NEMF: variants seen among roughly 807,000 people sequenced by gnomAD.
NEMF encodes the protein nuclear export mediator factor, also known as ribosome quality control complex subunit NEMF.
In NEMF, 89 loss-of-function variants were observed where a neutral mutation model predicts 162.2. That is an observed-to-expected ratio of 0.55 (90% CI 0.46 to 0.65). NEMF has a LOEUF of 0.65. Among genes scored for constraint, NEMF ranks in the 30% least tolerant of loss-of-function variants. NEMF has a pLI of 0.00. For missense variants in NEMF, 1,133 were observed against 1,261.9 expected, an observed-to-expected ratio of 0.90 and a Z score of 1.55; for synonymous variants, 421 against 404.5, an observed-to-expected ratio of 1.04 and a Z score of -0.49.
chr14:49,782,652 G>A lies in NEMF; in HGVS notation c.*1984C>T. ...TTAAAATTGTGTTTCCTAAGACTTA[G>A]CACTCTCGAAAAACTAGGTTTATGG... On this transcript the variant is annotated 3_prime_UTR_variant, in exon 33 of 33. Coordinates refer to ENST00000298310, the MANE Select transcript of NEMF (RefSeq NM_004713.6). The A allele has an allele frequency of 6.9e-7, 1 of 1,445,320 alleles. No individual in the cohort carries two copies. The highest frequency in any genetic ancestry group is 9.5e-7 in the Non-Finnish European group (1 of 1,056,340). 89.5% of individuals were successfully genotyped at this position (1,445,320 alleles called of 1,614,324 possible). A position where few individuals can be genotyped will look rare whatever the true frequency, so the allele number is the denominator to read the frequency against.
intron 4 of NEMF, among the ~76,000 whole-genome samples, chr14:49,843,222 T>C (rs1162145572): frequency 6.6e-6 from 1 of 151,958 alleles, no homozygotes; most frequent in African/African-American, 2.4e-5. Flanking sequence ...GAGCCAGGCG[T>C]GGTGGCTCAC....
At chr14:49,788,267 A>G (rs1483556421) in intron 28 of NEMF, among the ~76,000 whole-genome samples, 1 of 87,078 alleles carries the variant, frequency 1.1e-5, no homozygotes, top group African/African-American at 4.6e-5. Context: ...CAACAGAGCA[A>G]GACTGCCTCA....
At position 49,803,273 on chromosome 14, in the gene NEMF, C is replaced by T; in HGVS notation, c.1879G>A (p.Gly627Arg). 1 of 1,609,990 alleles carries T rather than the reference C, an allele frequency of 6.2e-7. No homozygotes were observed. The highest frequency in any genetic ancestry group is 8.5e-7 in the Non-Finnish European group (1 of 1,176,592). Residue 627 changes from glycine (G) to arginine (R), a missense_variant, in exon 20 of 33, where the codon GGA becomes AGA. Around this residue, in one of 3 missense-constraint regions of NEMF, gnomAD observed 532 missense variants for 578.6 expected, o/e 0.92. Coordinates refer to ENST00000298310, the MANE Select transcript of NEMF (RefSeq NM_004713.6). ...AAGCTTCCTGTTGTCAAATATTCTC[C>T]AGTTGGTGCTGTTTTAGATACCTGA... ...HHQVSKTAPT[G>R]EYLTTGSFMI... is the part of the protein sequence containing the mutation.
chr14:49,805,140 T>A (rs1238851390), intron 19 of NEMF, among the ~76,000 whole-genome samples: 1 of 152,136 alleles, frequency 6.6e-6, no homozygotes, highest in Non-Finnish European at 1.5e-5. Flanking sequence ...AGCACTGAGG[T>A]AGCAATTTAT....
chr14:49,826,308 GC>G (rs1024991198), intron 15 of NEMF, among the ~76,000 whole-genome samples: 39 of 152,066 alleles, frequency 2.6e-4, no homozygotes, highest in African/African-American at 9.2e-4. Context: ...GATGGACAAA[GC>G]CCCCACTCCC....
intron 6 of NEMF, among the ~76,000 whole-genome samples, chr14:49,836,760 G>A (rs1892926365): frequency 6.6e-6 from 1 of 152,088 alleles, no homozygotes; most frequent in South Asian, 2.1e-4. Context: ...TGGGATAGAA[G>A]TGTTTGAGAT....
chr14:49,797,199 G>T (rs200055277), intron 25 of NEMF, among the ~76,000 whole-genome samples: 2 of 152,050 alleles, frequency 1.3e-5, no homozygotes, highest in East Asian at 3.9e-4. Flanking sequence ...AAATGAAAAG[G>T]CTTTATTGTC....
intron 16 of NEMF, 42 bp from the exon 17 acceptor site, chr14:49,814,899 T>G (rs1245864645): frequency 5.3e-6 from 6 of 1,131,410 alleles, no homozygotes; most frequent in Non-Finnish European, 6.5e-6. Flanking sequence ...TCTTTATAGC[T>G]GCCTGAATTC....
intron 13 of NEMF, 117 bp downstream of exon 13, chr14:49,828,937 G>GT: frequency 7.7e-7 from 1 of 1,303,748 alleles, no homozygotes; most frequent in Non-Finnish European, 1.0e-6. Context: ...ATCTAAATTA[G>GT]TTTTTTCCCT....
intron 11 of NEMF, among the ~76,000 whole-genome samples, chr14:49,830,141 C>T (rs1594784352): frequency 1.3e-5 from 2 of 151,962 alleles, no homozygotes; most frequent in African/African-American, 4.8e-5. Context: ...TATTTAAATG[C>T]TAGATGAAAT....
chr14:49,800,363 A>T, intron 23 of NEMF, 57 bp downstream of exon 23: 1,028 of 700,732 alleles, frequency 1.5e-3, no homozygotes, highest in Non-Finnish European at 2.2e-3. Context: ...TGTAAGGATT[A>T]CCTCATCATC....
intron 15 of NEMF, 54 bp from the exon 16 acceptor site, chr14:49,826,009 C>T: frequency 8.0e-7 from 1 of 1,246,120 alleles, no homozygotes; most frequent in Non-Finnish European, 1.1e-6. Flanking sequence ...ATTTAAATAA[C>T]ACCAAAGTAA....
In NEMF at chr14:49,831,188, T is replaced by C; in HGVS notation, c.945+111A>G. The C allele has an allele frequency of 1.1e-5, 7 of 645,288 alleles. No individual in the cohort carries two copies. The South Asian group carries it at 1.3e-4, about 12-fold the overall frequency. The allele number at this position is 645,288 out of a possible 1,614,324, so 40.0% of individuals were successfully genotyped here. On this transcript the variant is annotated intron_variant, in intron 11 of 32. Transcript: ENST00000298310. ...ATAAATAAAGAGGCAGGTCAGAGAG[T>C]TCCCATACTACTTCTTACACTCTTT...
rs1892674411 is a variant in NEMF, at chr14:49,832,200, T to C, written c.806+7A>G. On this transcript the variant is annotated splice_region_variant and intron_variant, in intron 9 of 32. Transcript: ENST00000298310. The stretch of plus-strand genomic sequence containing the variant: ...CAAAGCAAATTGACCCATGCCTATA[T>C]GCTTACGTCAGTATGTCTTCAACTG... 6.2e-7 allele frequency: 1 copy of C among 1,605,788 alleles called. No individual in the cohort carries two copies. The highest frequency in any genetic ancestry group is 8.5e-7 in the Non-Finnish European group (1 of 1,175,410).
chr14:49,792,303 C>A (rs1253642449), intron 26 of NEMF, among the ~76,000 whole-genome samples: 1 of 152,158 alleles, frequency 6.6e-6, no homozygotes, highest in Non-Finnish European at 1.5e-5. Context: ...GCAACCTCTG[C>A]CTCCCAGGCT....
chr14:49,813,131 T>A (rs1330565334), intron 18 of NEMF, among the ~76,000 whole-genome samples: 1 of 152,046 alleles, frequency 6.6e-6, no homozygotes. Flanking sequence ...TCATGTGCAC[T>A]TAAGAATACA....
At chr14:49,845,088 AGTT>A (rs1893429994) in intron 4 of NEMF, among the ~76,000 whole-genome samples, 9 of 149,814 alleles carry the variant, frequency 6.0e-5, no homozygotes, top group African/African-American at 2.0e-4. Context: ...TTAGTTAGTT[AGTT>A]AGTTAGTTAG....
chr14:49,809,111 A>T (rs369657543), intron 18 of NEMF, among the ~76,000 whole-genome samples: 1 of 152,220 alleles, frequency 6.6e-6, no homozygotes. Context: ...TAGAATAGAC[A>T]GTCTGGTGGT....
At chr14:49,817,565 G>A (rs970702797) in intron 16 of NEMF, among the ~76,000 whole-genome samples, 1 of 152,116 alleles carries the variant, frequency 6.6e-6, no homozygotes, top group Non-Finnish European at 1.5e-5. Flanking sequence ...TTTCATTAAA[G>A]TTGATAAAAG....
Sources: allele counts gnomAD v4.1 joint callset (sites outside exome capture counted in the v4.1 genomes callset), GRCh38; gene constraint gnomAD v4.1.1; regional missense constraint gnomAD v4.1.1; transcripts MANE v1.5; gene names NCBI Gene and HGNC (gene_info 2026-07-23, HGNC 2026-07-21).